Variants in UBTD1 observed in about 807,000 individuals in gnomAD.
UBTD1 encodes ubiquitin domain containing 1.
In UBTD1, 19 loss-of-function variants were observed where a neutral mutation model predicts 21.7. The observed-to-expected ratio is 0.87, with a 90% CI of 0.61 to 1.28. UBTD1 has a LOEUF of 1.28. UBTD1 is among the 50% of genes most tolerant of loss of function. The pLI is 0.00. For synonymous variants in UBTD1, 116 were observed against 135.1 expected (o/e 0.86, Z 0.98); for missense variants, 282 against 315.1 (o/e 0.89, Z 0.80).
chr10:97,520,014 G>A (rs751783239), intron 1 of UBTD1, among the ~76,000 whole-genome samples: 2 of 152,216 alleles, frequency 1.3e-5, no homozygotes, highest in African/African-American at 2.4e-5. Flanking sequence ...GTAGCTTAGT[G>A]GTTAAGAGCA....
intron 1 of UBTD1, among the ~76,000 whole-genome samples, chr10:97,528,422 G>A (rs1347646170): frequency 1.4e-4 from 12 of 87,030 alleles, no homozygotes; most frequent in Non-Finnish European, 2.0e-4. Flanking sequence ...CTCCCTCCCG[G>A]ACGGGGCGGC....
At chr10:97,544,649 C>T (rs975229128) in intron 1 of UBTD1, among the ~76,000 whole-genome samples, 2 of 152,084 alleles carry the variant, frequency 1.3e-5, no homozygotes, top group Non-Finnish European at 1.5e-5. Context: ...ATGTGTATTA[C>T]ATACTGTATT....
At chr10:97,555,803 G>A (rs999844277) in intron 1 of UBTD1, among the ~76,000 whole-genome samples, 5 of 152,206 alleles carry the variant, frequency 3.3e-5, no homozygotes, top group Non-Finnish European at 7.3e-5. Context: ...GCTGGGTTTA[G>A]GCCAGGCAGG....
chr10:97,499,423 CAGCGCCGGGCGGCCGGGG>C, intron 1 of UBTD1, 150 bp downstream of exon 1: 1 of 1,084,556 alleles, frequency 9.2e-7, no homozygotes, highest in Non-Finnish European at 1.3e-6. Flanking sequence ...GGCCGCTCCC[CAGCGCCGGGCGGCCGGGG>C]GAGCTGAGTT....
chr10:97,516,592 G>A (rs1214296077), intron 1 of UBTD1, among the ~76,000 whole-genome samples: 1 of 151,874 alleles, frequency 6.6e-6, no homozygotes, highest in Non-Finnish European at 1.5e-5. Flanking sequence ...TGGCTAACGT[G>A]GTGAAACCCC....
intron 1 of UBTD1, among the ~76,000 whole-genome samples, chr10:97,544,393 T>G (rs1395551813): frequency 6.6e-6 from 1 of 152,138 alleles, no homozygotes; most frequent in Non-Finnish European, 1.5e-5. Flanking sequence ...AGGCTGTGAC[T>G]TGTTCTGTGT....
At chr10:97,526,220 A>G (rs1297829914) in intron 1 of UBTD1, among the ~76,000 whole-genome samples, 1 of 152,348 alleles carries the variant, frequency 6.6e-6, no homozygotes, top group African/African-American at 2.4e-5. Flanking sequence ...TGCTGGTGGA[A>G]GTGAAAATTG....
At position 97,570,440 on chromosome 10, in the gene UBTD1, C is replaced by T. The variant is rs749379915; in HGVS notation, c.601C>T (p.Arg201Cys). The T allele has an allele frequency of 8.1e-6, 13 of 1,613,122 alleles. No homozygotes were observed. Among genetic ancestry groups the T allele is most frequent in the Admixed American group, 5.0e-5 (3 of 60,002 alleles). ...WFFSGKLLTD[R>C]TRLQETKIQK... is the part of the protein sequence containing the mutation. ...CTTCTCCGGGAAGCTGCTCACAGACCGCACACGGCTCCAGGAGACCAAGAT... is the reference window on the plus strand; with the variant it reads ...CTTCTCCGGGAAGCTGCTCACAGACTGCACACGGCTCCAGGAGACCAAGAT... The change falls in exon 3 of 3, where the codon CGC becomes TGC. Residue 201 changes from arginine (R) to cysteine (C), a missense_variant. Physicochemically the swap from Arg to Cys is radical, Grantham distance 180 (BLOSUM62 -3). Coordinates refer to ENST00000370664, the MANE Select transcript of UBTD1 (RefSeq NM_024954.5). This position sits in a 1 kb window ranked among gnomAD's most constrained non-coding sequence, Gnocchi z 6.6.
chr10:97,568,437 A>T (rs549684546), intron 2 of UBTD1, among the ~76,000 whole-genome samples: 159 of 151,096 alleles, frequency 1.1e-3, no homozygotes, highest in African/African-American at 3.7e-3. Context: ...TTTTTTTTTG[A>T]GATGGAGTCT....
chr10:97,532,798 A>AAAAAAAAG (rs1554865649), intron 1 of UBTD1, among the ~76,000 whole-genome samples: 1 of 148,942 alleles, frequency 6.7e-6, no homozygotes, highest in Non-Finnish European at 1.5e-5. Context: ...CTCAAAAAAA[A>AAAAAAAAG]AAAGAAAGAA....
chr10:97,539,499 G>A (rs1461877831), intron 1 of UBTD1, among the ~76,000 whole-genome samples: 1 of 151,940 alleles, frequency 6.6e-6, no homozygotes, highest in African/African-American at 2.4e-5. Context: ...GGAGGCTAAG[G>A]TAGGAGGATC....
intron 1 of UBTD1, among the ~76,000 whole-genome samples, chr10:97,557,351 T>TTTTTTTTA (rs1240767723): frequency 6.6e-6 from 1 of 152,298 alleles, no homozygotes; most frequent in East Asian, 1.9e-4. Flanking sequence ...GTTGCATGTT[T>TTTTTTTTA]TTTTTTTAAT....
chr10:97,526,312 A>G (rs146518420), intron 1 of UBTD1, among the ~76,000 whole-genome samples: 231 of 152,330 alleles, frequency 1.5e-3, no homozygotes, highest in African/African-American at 5.1e-3. Flanking sequence ...AAATTCCACA[A>G]CAAGGACTTT....
intron 1 of UBTD1, among the ~76,000 whole-genome samples, chr10:97,564,627 G>T (rs1024436806): frequency 6.6e-6 from 1 of 152,020 alleles, no homozygotes; most frequent in Non-Finnish European, 1.5e-5. Context: ...GCAGTGGCAC[G>T]ATCTCAGCTC....
chr10:97,546,898 ACACT>A (rs1260948230), intron 1 of UBTD1, among the ~76,000 whole-genome samples: 2 of 152,006 alleles, frequency 1.3e-5, no homozygotes, highest in Non-Finnish European at 2.9e-5. Flanking sequence ...CCTCACACAC[ACACT>A]CTCTCTCTCT....
rs187447960 is a variant in UBTD1, at chr10:97,558,055, T to A, written c.71-9859T>A. ...TCGGCCGTGCGTGGACCAGTCAGCT[T>A]CTGGGTGTGACTGGAGCAGGGCTTG... On this transcript the variant is annotated intron_variant, in intron 1 of 2. Transcript: ENST00000370664. Among the ~76,000 whole-genome samples the A allele has an allele frequency of 1.2e-4, 19 of 152,284 alleles. No individual in the cohort carries two copies. In the East Asian group the frequency reaches 3.5e-3, roughly 28 times the overall value.
At chr10:97,562,817 T>C (rs750984813) in intron 1 of UBTD1, among the ~76,000 whole-genome samples, 1 of 152,198 alleles carries the variant, frequency 6.6e-6, no homozygotes, top group Non-Finnish European at 1.5e-5. Context: ...ACAGGACATA[T>C]GATGGCTTAG....
At chr10:97,525,449 G>A (rs750459187) in intron 1 of UBTD1, among the ~76,000 whole-genome samples, 54 of 152,168 alleles carry the variant, frequency 3.5e-4, no homozygotes, top group Non-Finnish European at 6.9e-4. Flanking sequence ...GCTGGGCGCC[G>A]ACATTTTCTA....
At chr10:97,500,487 C>G (rs1332082981) in intron 1 of UBTD1, among the ~76,000 whole-genome samples, 1 of 152,352 alleles carries the variant, frequency 6.6e-6, no homozygotes, top group Non-Finnish European at 1.5e-5. Flanking sequence ...CTGAAGGTAA[C>G]TCTGGCCATT....
Sources: allele counts gnomAD v4.1 joint callset (sites outside exome capture counted in the v4.1 genomes callset), GRCh38; gene constraint gnomAD v4.1.1; non-coding constraint Gnocchi (gnomAD v3.1); transcripts MANE v1.5; gene names NCBI Gene and HGNC (gene_info 2026-07-23, HGNC 2026-07-21).